Variants in OSGIN2 observed in about 807,000 individuals in gnomAD.
OSGIN2 encodes the protein oxidative stress induced growth inhibitor family member 2.
In OSGIN2, 19 loss-of-function variants were observed where a neutral mutation model predicts 53.8. The observed-to-expected ratio is 0.35, with a 90% CI of 0.25 to 0.52. OSGIN2 has a LOEUF of 0.52. Among genes scored for constraint, OSGIN2 ranks in the 20% least tolerant of loss-of-function variants. OSGIN2 has a pLI of 0.95. For synonymous variants in OSGIN2, 236 were observed against 236.0 expected (o/e 1.00, Z 0.00); for missense variants, 520 against 662.7 (o/e 0.78, Z 2.36).
In OSGIN2 at chr8:89,925,284, G is replaced by A. The variant is rs764336640; in HGVS notation, c.1402G>A (p.Asp468Asn). ...TCATCCTAATCTGTCTTTTCTGAAGGATCAAGGGTGTTACCTAGGCCATAA... is the reference window on the plus strand; with the variant it reads ...TCATCCTAATCTGTCTTTTCTGAAGAATCAAGGGTGTTACCTAGGCCATAA... ...GSHPNLSFLK[D>N]QGCYLGHKSS... Residue 468 changes from aspartate (D) to asparagine (N), a missense_variant, in exon 6 of 6, where the codon GAT (aspartate) becomes AAT (asparagine). Physicochemically the swap from Asp to Asn is conservative, Grantham distance 23. Around this residue, in one of 3 missense-constraint regions of OSGIN2, gnomAD observed 239 missense variants for 328.3 expected, o/e 0.73. Coordinates refer to ENST00000451899, the MANE Select transcript of OSGIN2 (RefSeq NM_001126111.3). The A allele has an allele frequency of 6.2e-7, 1 of 1,614,146 alleles. No individual in the cohort carries two copies. The highest frequency in any genetic ancestry group is 8.5e-7 in the Non-Finnish European group (1 of 1,179,996).
chr8:89,904,299 A>G (rs1401611052), intron 1 of OSGIN2, among the ~76,000 whole-genome samples: 2 of 152,208 alleles, frequency 1.3e-5, no homozygotes, highest in African/African-American at 4.8e-5. Flanking sequence ...GCTATTTGAC[A>G]CCTTTTGATG....
At chr8:89,906,055 A>G (rs1469086318) in intron 1 of OSGIN2, among the ~76,000 whole-genome samples, 2 of 152,266 alleles carry the variant, frequency 1.3e-5, no homozygotes, top group African/African-American at 4.8e-5. Flanking sequence ...AAGGAATTCT[A>G]TATTCATGGA....
intron 4 of OSGIN2, among the ~76,000 whole-genome samples, chr8:89,917,619 T>G (rs1463153945): frequency 3.9e-5 from 6 of 152,228 alleles, no homozygotes; most frequent in Non-Finnish European, 4.4e-5. Flanking sequence ...ACCTTTGATA[T>G]TTCCTTATTA....
chr8:89,916,630 A>G (rs1033209950), intron 4 of OSGIN2, among the ~76,000 whole-genome samples: 1 of 152,132 alleles, frequency 6.6e-6, no homozygotes, highest in African/African-American at 2.4e-5. Flanking sequence ...TCTCCTACTT[A>G]GCTTCATATA....
Position 89,921,117 on chromosome 8 carries a change from G to A in OSGIN2, c.566G>A (p.Ser189Asn). 1.2e-6 allele frequency: 2 copies of A among 1,606,632 alleles called. No homozygotes were observed. The highest frequency in any genetic ancestry group is 2.2e-5 in the South Asian group (2 of 89,986). The change falls in exon 5 of 6, where the codon AGT becomes AAT. Residue 189 changes from serine (S) to asparagine (N), a missense_variant. Physicochemically the swap from Ser to Asn is conservative, Grantham distance 46 (BLOSUM62 1). This residue lies in a region of OSGIN2 where 203 missense variants were observed against 275.3 expected (regional missense o/e 0.74). Transcript: ENST00000451899. ...EGSMLTISFG[S>N]WMELPGLKFK... ...TCCATGTTGACAATCAGCTTTGGAA[G>A]TTGGATGGAACTACCTGGACTTAAA...
At chr8:89,902,861 AG>A in intron 1 of OSGIN2, 24 bp downstream of exon 1, 2 of 1,359,870 alleles carry the variant, frequency 1.5e-6, no homozygotes, top group Non-Finnish European at 1.9e-6. Context: ...CGGGGATGGG[AG>A]GGGAGCAGGC....
Position 89,924,523 on chromosome 8 carries a change from T to C in OSGIN2, c.641T>C (p.Val214Ala). ...SKRRSLKGDR[V>A]MPEEIARYYK... ...TTTAGGAGCCTAAAAGGGGATCGAG[T>C]TATGCCAGAGGAAATAGCTCGCTAC... The change falls in exon 6 of 6, where the codon GTT becomes GCT. Residue 214 changes from valine (V) to alanine (A), a missense_variant. Transcript: ENST00000451899. 3 of 1,609,650 alleles carry C rather than the reference T, an allele frequency of 1.9e-6. No individual in the cohort carries two copies. Among genetic ancestry groups the C allele is most frequent in the Non-Finnish European group, 2.5e-6 (3 of 1,178,054 alleles).
At chr8:89,907,655 C>G (rs1013746713) in intron 1 of OSGIN2, among the ~76,000 whole-genome samples, 1 of 152,150 alleles carries the variant, frequency 6.6e-6, no homozygotes, top group Non-Finnish European at 1.5e-5. Context: ...GTTTTGGTTA[C>G]TGTAGCCCTG....
chr8:89,924,621 A>G lies in OSGIN2; in HGVS notation c.739A>G (p.Arg247Gly). Residue 247 changes from arginine to glycine, a missense_variant, in exon 6 of 6, where the codon AGA becomes GGA. Physicochemically the swap from Arg to Gly is moderately radical, Grantham distance 125. Around this residue, in one of 3 missense-constraint regions of OSGIN2, gnomAD observed 78 missense variants for 59.1 expected, o/e 1.32. Transcript: ENST00000451899. ...GAATACTTACATAACTTCCGTATCA[A>G]GACTCTACAGAGATCAAGATGATGA... ...RENTYITSVS[R>G]LYRDQDDDDI... is the part of the protein sequence containing the mutation. The G allele has an allele frequency of 6.2e-7, 1 of 1,614,042 alleles. No homozygotes were observed. The highest frequency in any genetic ancestry group is 8.5e-7 in the Non-Finnish European group (1 of 1,179,874).
At chr8:89,918,682 C>T (rs956050408) in intron 4 of OSGIN2, among the ~76,000 whole-genome samples, 4 of 152,136 alleles carry the variant, frequency 2.6e-5, no homozygotes, top group Admixed American at 2.6e-4. Flanking sequence ...CTGCAGGTGT[C>T]CTCAGACTCA....
rs1019254319 is a variant in OSGIN2 at position 89,923,245 on chromosome 8, AT to A, written c.621-1253del. On this transcript the variant is annotated intron_variant, in intron 5 of 5. Coordinates refer to ENST00000451899, the MANE Select transcript of OSGIN2 (RefSeq NM_001126111.3). ...GCTGTGATGTCACTAAGCTGTAGGA[AT>A]TTTTCAGCTCCTTTATAATCCTTTA... Among the ~76,000 whole-genome samples the A allele has an allele frequency of 1.1e-3, 174 of 152,282 alleles. 1 individual carries two copies. The highest frequency in any genetic ancestry group is 4.0e-3 in the African/African-American group (166 of 41,568).
At chr8:89,910,774 C>T (rs1188132808) in intron 2 of OSGIN2, among the ~76,000 whole-genome samples, 1 of 152,154 alleles carries the variant, frequency 6.6e-6, no homozygotes, top group Non-Finnish European at 1.5e-5. Flanking sequence ...ACTTAACCTT[C>T]ATTTGCACCT....
intron 4 of OSGIN2, among the ~76,000 whole-genome samples, chr8:89,916,842 G>T (rs1430459388): frequency 1.3e-5 from 2 of 152,118 alleles, no homozygotes; most frequent in Non-Finnish European, 2.9e-5. Flanking sequence ...CCTCTGAAGT[G>T]GAGCCTATTC....
In OSGIN2 at chr8:89,926,867, G is replaced by C. The variant is rs1442468609; in HGVS notation, c.*1335G>C. ...GGGTTTTTCTGTTCATTTTATTGCA[G>C]TATTAAATGCTTAAGCTTATTAGGA... On this transcript the variant is annotated 3_prime_UTR_variant, in exon 6 of 6. Transcript: ENST00000451899. 4 of 151,990 alleles carry C rather than the reference G, an allele frequency of 2.6e-5. No individual in the cohort carries two copies. Among genetic ancestry groups the C allele is most frequent in the Non-Finnish European group, 5.9e-5 (4 of 67,980 alleles). 9.4% of individuals were successfully genotyped at this position (151,990 alleles called of 1,614,324 possible).
At chr8:89,914,406 A>G in intron 3 of OSGIN2, 149 bp from the exon 4 acceptor site, 1 of 700,966 alleles carries the variant, frequency 1.4e-6, no homozygotes, top group East Asian at 2.7e-5. Context: ...GAGTTTTCTG[A>G]ATTATTTTCT....
intron 4 of OSGIN2, among the ~76,000 whole-genome samples, chr8:89,917,080 T>C (rs1190533160): frequency 6.6e-6 from 1 of 152,194 alleles, no homozygotes; most frequent in Non-Finnish European, 1.5e-5. Flanking sequence ...GGGTCTTCCA[T>C]TATATCCCAA....
intron 1 of OSGIN2, among the ~76,000 whole-genome samples, chr8:89,909,082 A>G (rs1210974151): frequency 7.0e-6 from 1 of 143,374 alleles, no homozygotes; most frequent in Admixed American, 7.1e-5. Context: ...TATGTAGTAT[A>G]TTTTTTGAAT....
At chr8:89,910,115 C>G (rs1464001746) in intron 2 of OSGIN2, among the ~76,000 whole-genome samples, 1 of 152,126 alleles carries the variant, frequency 6.6e-6, no homozygotes, top group Non-Finnish European at 1.5e-5. Flanking sequence ...GAAACTGACA[C>G]AGATGTTGAG....
chr8:89,915,576 C>A (rs977151915), intron 4 of OSGIN2, among the ~76,000 whole-genome samples: 4 of 152,168 alleles, frequency 2.6e-5, no homozygotes, highest in Non-Finnish European at 5.9e-5. Context: ...AATAATTGTT[C>A]ATCCTTCCTG....
Sources: allele counts gnomAD v4.1 joint callset (sites outside exome capture counted in the v4.1 genomes callset), GRCh38; gene constraint gnomAD v4.1.1; regional missense constraint gnomAD v4.1.1; transcripts MANE v1.5; gene names NCBI Gene and HGNC (gene_info 2026-07-23, HGNC 2026-07-21).